Variants in CCDC88C observed in about 807,000 individuals in gnomAD.
CCDC88C encodes the protein coiled-coil and HOOK domain protein 88C.
Under a neutral mutation model 198.8 loss-of-function variants are expected in CCDC88C, and 131 were observed. The observed-to-expected ratio is 0.66, with a 90% CI of 0.57 to 0.76. The LOEUF is 0.76. Ranked by LOEUF, CCDC88C falls within the 30% of genes least tolerant of loss-of-function variation. CCDC88C has a pLI of 0.00. For synonymous variants in CCDC88C, 1,166 were observed against 1,114.7 expected (o/e 1.05, Z -0.92); for missense variants, 2,553 against 2,631.6 (o/e 0.97, Z 0.65).
intron 2 of CCDC88C, among the ~76,000 whole-genome samples, chr14:91,408,994 G>T (rs1463987392): frequency 6.6e-6 from 1 of 152,036 alleles, no homozygotes; most frequent in South Asian, 2.1e-4. Context: ...CCCACCGCAG[G>T]CCCTCAGTCA....
chr14:91,299,370 G>A (rs573180510), intron 21 of CCDC88C, among the ~76,000 whole-genome samples: 11 of 152,192 alleles, frequency 7.2e-5, no homozygotes, highest in Non-Finnish European at 1.5e-4. Context: ...GAAAACCGTG[G>A]CATTGAAGAG....
At chr14:91,377,593 A>T (rs1417686765) in intron 3 of CCDC88C, among the ~76,000 whole-genome samples, 1 of 152,104 alleles carries the variant, frequency 6.6e-6, no homozygotes, top group Non-Finnish European at 1.5e-5. Context: ...AACCCACAGG[A>T]TTCACAGTAT....
At chr14:91,343,254 G>T (rs1055062542) in intron 5 of CCDC88C, among the ~76,000 whole-genome samples, 1 of 152,080 alleles carries the variant, frequency 6.6e-6, no homozygotes, top group Admixed American at 6.6e-5. Context: ...CACTGCACTC[G>T]GCCCAATAAA....
intron 6 of CCDC88C, among the ~76,000 whole-genome samples, chr14:91,340,409 T>C (rs574325092): frequency 3.9e-5 from 6 of 152,216 alleles, no homozygotes; most frequent in African/African-American, 1.4e-4. Flanking sequence ...TTAAAATCTA[T>C]GCAAACAGCA....
At position 91,371,027 on chromosome 14, in the gene CCDC88C, G is replaced by A. The variant is rs971279054; in HGVS notation, c.271-11316C>T. The stretch of plus-strand genomic sequence containing the variant: ...GGTGTGTGTTTGGGGTGAGGCAGAA[G>A]GACTTCAAGGATTAGGCTAAGGATG... On this transcript the variant is annotated intron_variant, in intron 3 of 29. Transcript: ENST00000389857. The surrounding 1 kb of genome is among the most constrained non-coding windows in gnomAD (Gnocchi z 4.2). 6.6e-6 allele frequency among the ~76,000 whole-genome samples: 1 copy of A among 152,140 alleles called. No individual in the cohort carries two copies. Among genetic ancestry groups the A allele is most frequent in the African/African-American group, 2.4e-5 (1 of 41,422 alleles).
chr14:91,417,300 C>A (rs962467891), intron 1 of CCDC88C: 2 of 666,386 alleles, frequency 3.0e-6, no homozygotes, highest in East Asian at 2.7e-5. Context: ...AGTGGCTAAA[C>A]CCCAGGGACA....
At chr14:91,340,245 G>A (rs1183232058) in intron 6 of CCDC88C, among the ~76,000 whole-genome samples, 2 of 152,204 alleles carry the variant, frequency 1.3e-5, no homozygotes, top group African/African-American at 4.8e-5. Context: ...CAGAGAGGAT[G>A]CTGATTTTCA....
intron 2 of CCDC88C, among the ~76,000 whole-genome samples, chr14:91,415,994 TC>T (rs1376269004): frequency 6.6e-6 from 1 of 152,092 alleles, no homozygotes; most frequent in Non-Finnish European, 1.5e-5. Context: ...ATCCCGACAC[TC>T]AGTTCCAATG....
intron 10 of CCDC88C, among the ~76,000 whole-genome samples, chr14:91,332,658 C>T (rs548332695): frequency 7.9e-5 from 12 of 152,200 alleles, no homozygotes; most frequent in African/African-American, 2.9e-4. Context: ...GCAAGTGCTG[C>T]ACCAATTCGA....
intron 3 of CCDC88C, among the ~76,000 whole-genome samples, chr14:91,403,199 C>T (rs1293305799): frequency 6.6e-6 from 1 of 152,188 alleles, no homozygotes; most frequent in Non-Finnish European, 1.5e-5. Context: ...CAGCAAATTC[C>T]TCATTTCAGA....
At chr14:91,403,205 T>C (rs1222671168) in intron 3 of CCDC88C, among the ~76,000 whole-genome samples, 1 of 152,182 alleles carries the variant, frequency 6.6e-6, no homozygotes. Flanking sequence ...ATTCCTCATT[T>C]CAGAGTGAAT....
chr14:91,408,291 A>G, intron 3 of CCDC88C: 1 of 228,544 alleles, frequency 4.4e-6, no homozygotes. Flanking sequence ...CTGTATAAAG[A>G]GCCACTGAGC....
Position 91,338,741 on chromosome 14 carries a change from C to A in CCDC88C, c.810-171G>T. 1 of 601,904 alleles carries A rather than the reference C, an allele frequency of 1.7e-6. No individual in the cohort carries two copies. The highest frequency in any genetic ancestry group is 3.0e-6 in the Non-Finnish European group (1 of 336,460). The allele number at this position is 601,904 out of a possible 1,614,324, so 37.3% of individuals were successfully genotyped here. A position where few individuals can be genotyped will look rare whatever the true frequency, so the allele number is the denominator to read the frequency against. ...GCAAAAATGTTACTGACTCAAAATT[C>A]TTTTCTTTTCATAAGTTTGCAACAC... On this transcript the variant is annotated intron_variant, in intron 8 of 29. Transcript: ENST00000389857. The surrounding 1 kb of genome is among the most constrained non-coding windows in gnomAD (Gnocchi z 4.8).
At position 91,340,124 on chromosome 14, in the gene CCDC88C, C is replaced by A. The variant is rs542852078; in HGVS notation, c.484-100G>T. On this transcript the variant is annotated intron_variant, in intron 6 of 29. Coordinates refer to ENST00000389857, the MANE Select transcript of CCDC88C (RefSeq NM_001080414.4). ...TCCCCTTCCAATCAACCTTACTAAT[C>A]CCTCAGTGACAAATTTACGGTGGCC... The A allele has an allele frequency of 2.4e-5, 36 of 1,481,946 alleles. No individual in the cohort carries two copies. In the East Asian group the frequency reaches 7.9e-4, roughly 33 times the overall value. 91.8% of individuals were successfully genotyped at this position (1,481,946 alleles called of 1,614,324 possible). A position where few individuals can be genotyped will look rare whatever the true frequency, so the allele number is the denominator to read the frequency against.
intron 17 of CCDC88C, 86 bp downstream of exon 17, chr14:91,308,265 C>G: frequency 6.7e-7 from 1 of 1,494,886 alleles, no homozygotes. Flanking sequence ...GTATCCAGGC[C>G]ACCCCACTGC....
At chr14:91,374,470 G>A (rs1188785185) in intron 3 of CCDC88C, among the ~76,000 whole-genome samples, 1 of 152,240 alleles carries the variant, frequency 6.6e-6, no homozygotes, top group Non-Finnish European at 1.5e-5. Context: ...GGAAGTGACA[G>A]AAAACATAGC....
At chr14:91,302,423 C>G (rs766839893) in intron 20 of CCDC88C, among the ~76,000 whole-genome samples, 3 of 152,224 alleles carry the variant, frequency 2.0e-5, no homozygotes, top group African/African-American at 4.8e-5. Flanking sequence ...CCCTCAGACT[C>G]TGGAGAGCAG....
chr14:91,320,248 A>G (rs965084733), intron 13 of CCDC88C, among the ~76,000 whole-genome samples: 1 of 152,104 alleles, frequency 6.6e-6, no homozygotes, highest in Non-Finnish European at 1.5e-5. Context: ...GGCCTCCCCT[A>G]CCTCCAGGGA....
At chr14:91,389,735 A>AG (rs1481271570) in intron 3 of CCDC88C, among the ~76,000 whole-genome samples, 6 of 151,214 alleles carry the variant, frequency 4.0e-5, no homozygotes, top group South Asian at 2.1e-4. Flanking sequence ...TAAAAAAAAA[A>AG]AAAGAAAGAA....
Sources: gnomAD v4.1 joint callset for allele counts (sites outside exome capture counted in the v4.1 genomes callset) on GRCh38, gnomAD v4.1.1 for gene constraint, Gnocchi (gnomAD v3.1) non-coding constraint, MANE v1.5 for transcripts, NCBI Gene and HGNC (gene_info 2026-07-23, HGNC 2026-07-21) for gene names.